The following MAGEC3 variants were observed in gnomAD, a reference collection of about 807,000 sequenced individuals.
The protein encoded by MAGEC3 is melanoma-associated antigen C3.
MAGEC3 carries 34 observed loss-of-function variants against 35.3 expected under a neutral mutation model. The ratio of observed to expected loss-of-function variants is 0.96; its 90% CI spans 0.73 to 1.28. MAGEC3 has a LOEUF of 1.28. Among genes scored for constraint, MAGEC3 ranks in the 50% most tolerant of loss-of-function variants. MAGEC3 has a pLI of 0.00. For missense variants in MAGEC3, 561 were observed against 483.6 expected (o/e 1.16, Z -1.50); for synonymous variants, 202 against 185.6 (o/e 1.09, Z -0.72).
intron 2 of MAGEC3, among the ~76,000 whole-genome samples, chrX:141,878,776 C>T (rs768937073): frequency 6.2e-5 from 7 of 112,006 alleles, no homozygotes; most frequent in East Asian, 2.8e-4. Flanking sequence ...GAGATGCTAG[C>T]GCTTTTCACT....
intron 2 of MAGEC3, among the ~76,000 whole-genome samples, chrX:141,876,120 G>A (rs954552845): frequency 1.8e-5 from 2 of 112,199 alleles, no homozygotes; most frequent in African/African-American, 6.5e-5. Context: ...TCCTATCTAT[G>A]TGGAGAGGAA....
intron 4 of MAGEC3, among the ~76,000 whole-genome samples, chrX:141,885,591 G>A (rs952335302): frequency 2.0e-5 from 2 of 102,356 alleles, no homozygotes; most frequent in Non-Finnish European, 3.9e-5. Flanking sequence ...TTGAACCCGG[G>A]AGGCAGAGGT....
intron 4 of MAGEC3, among the ~76,000 whole-genome samples, chrX:141,891,663 G>A: frequency 9.7e-6 from 1 of 102,674 alleles, no homozygotes; most frequent in Non-Finnish European, 2.0e-5. Flanking sequence ...TAATGTGTGT[G>A]TGTATATATA....
intron 2 of MAGEC3, among the ~76,000 whole-genome samples, chrX:141,868,844 A>T (rs12393030): frequency 0.015 from 1,588 of 106,217 alleles, 28 homozygotes; most frequent in African/African-American, 0.049. Flanking sequence ...GATTTTTTTT[A>T]AAATTTTTAT....
chrX:141,859,824 C>T (rs142561568), intron 1 of MAGEC3, among the ~76,000 whole-genome samples: 1,698 of 111,618 alleles, frequency 0.015, 14 homozygotes, highest in Middle Eastern at 0.032. Flanking sequence ...AAATTATCTT[C>T]CAAGGAAAAC....
intron 2 of MAGEC3, among the ~76,000 whole-genome samples, chrX:141,874,159 A>G (rs1459393662): frequency 2.7e-5 from 3 of 112,284 alleles, no homozygotes; most frequent in African/African-American, 9.7e-5. Context: ...GGACATCCAC[A>G]TGGAGAAAAT....
chrX:141,868,007 C>G (rs183622569), intron 2 of MAGEC3, among the ~76,000 whole-genome samples: 518 of 110,282 alleles, frequency 4.7e-3, no homozygotes, highest in African/African-American at 0.015. Context: ...CCTGTAGTCC[C>G]AGCTACTTGG....
chrX:141,866,838 A>G (rs1403404129), intron 2 of MAGEC3, among the ~76,000 whole-genome samples: 1 of 112,005 alleles, frequency 8.9e-6, no homozygotes, highest in Non-Finnish European at 1.9e-5. Flanking sequence ...ACCAAATACT[A>G]CTTCTGTACA....
At chrX:141,889,257 T>C (rs2018024257) in intron 4 of MAGEC3, among the ~76,000 whole-genome samples, 1 of 111,734 alleles carries the variant, frequency 8.9e-6, no homozygotes, top group African/African-American at 3.3e-5. Context: ...ATGCTCTGAA[T>C]CAGTGTTCAA....
At chrX:141,874,457 C>G (rs2017907908) in intron 2 of MAGEC3, among the ~76,000 whole-genome samples, 1 of 111,691 alleles carries the variant, frequency 9.0e-6, no homozygotes, top group Non-Finnish European at 1.9e-5. Context: ...AAAAATCTGA[C>G]TGAAGATGTG....
rs1001591924 is a variant in MAGEC3, at chrX:141,888,435, G to T, written c.909+6639G>T. On this transcript the variant is annotated intron_variant, in intron 4 of 7. Coordinates refer to ENST00000298296, the MANE Select transcript of MAGEC3 (RefSeq NM_138702.1). ...CTGTAGCCAATGGTTTGGCTGGAAG[G>T]TCAGGGACTTGGAAGAAGCATGATT... 2.7e-5 allele frequency among the ~76,000 whole-genome samples: 3 copies of T among 112,373 alleles called. No individual in the cohort carries two copies. The Admixed American group carries it at 2.8e-4, about 11-fold the overall frequency.
In MAGEC3 at chrX:141,896,950, G is replaced by A. The variant is rs1164415467; in HGVS notation, c.1192G>A (p.Gly398Ser). 8.4e-7 allele frequency: 1 copy of A among 1,188,638 alleles called. No individual in the cohort carries two copies. The highest frequency in any genetic ancestry group is 2.4e-5 in the Admixed American group (1 of 41,871). Reference sequence around the variant, plus strand: ...GAGTCCTCCTGAGATTCCTCCCCAGGGTCCTCCCAAGATCTCTCCCCAGGG... The same window carrying A: ...GAGTCCTCCTGAGATTCCTCCCCAGAGTCCTCCCAAGATCTCTCCCCAGGG... ...PQSPPEIPPQ[G>S]PPKISPQGPP... Residue 398 changes from glycine to serine, a missense_variant, in exon 7 of 8, where the codon GGT becomes AGT. Transcript: ENST00000298296.
intron 6 of MAGEC3, among the ~76,000 whole-genome samples, 181 bp downstream of exon 6, chrX:141,895,740 G>A (rs1345024472): frequency 5.0e-4 from 53 of 106,360 alleles, no homozygotes; most frequent in Middle Eastern, 4.9e-3. Context: ...GGAGGGGAGG[G>A]GGAGGGGTGG....
Position 141,893,993 on chromosome X carries a change from T to G in MAGEC3, c.910-1276T>G, listed in dbSNP as rs145958708. On this transcript the variant is annotated intron_variant, in intron 4 of 7. Coordinates refer to ENST00000298296, the MANE Select transcript of MAGEC3 (RefSeq NM_138702.1). ...AAAATACTAAATGGAAGAGGGGATA[T>G]GCAACAAGAGGAATTCTCATTCCTT... Among the ~76,000 whole-genome samples the G allele has an allele frequency of 6.3e-3, 710 of 112,016 alleles. 5 individuals are homozygous for G. Among genetic ancestry groups the G allele is most frequent in the African/African-American group, 0.022 (674 of 30,843 alleles).
intron 6 of MAGEC3, chrX:141,896,515 A>T (rs781602012): frequency 8.4e-7 from 1 of 1,189,003 alleles, no homozygotes; most frequent in Admixed American, 2.3e-5. Context: ...GCTGTAAGCC[A>T]GCCTTTGTCA....
At chrX:141,888,927 C>A (rs1038884122) in intron 4 of MAGEC3, among the ~76,000 whole-genome samples, 1 of 112,459 alleles carries the variant, frequency 8.9e-6, no homozygotes, top group Non-Finnish European at 1.9e-5. Context: ...CTGGAACAGA[C>A]ACTTATTCCA....
intron 1 of MAGEC3, among the ~76,000 whole-genome samples, chrX:141,858,322 C>T (rs759437060): frequency 1.8e-5 from 2 of 110,353 alleles, no homozygotes; most frequent in South Asian, 3.9e-4. Context: ...GAAAAATATT[C>T]GTTTAAGTAA....
intron 1 of MAGEC3, among the ~76,000 whole-genome samples, chrX:141,863,460 A>T (rs1487024540): frequency 2.7e-5 from 3 of 111,737 alleles, no homozygotes; most frequent in Non-Finnish European, 3.8e-5. Context: ...ACCCTAGCTA[A>T]ATTGTAAATT....
rs149711613 is a variant in MAGEC3, at chrX:141,856,327, T to A, written c.124-9144T>A. ...GAGTCCTTCTTAAAACATCTCAAAG[T>A]TTTTCTACCAGAGCTTTAAAAAGTT... On this transcript the variant is annotated intron_variant, in intron 1 of 7. Coordinates refer to ENST00000298296, the MANE Select transcript of MAGEC3 (RefSeq NM_138702.1). Among the ~76,000 whole-genome samples, 758 of 111,030 alleles carry A rather than the reference T, an allele frequency of 6.8e-3. 12 individuals carry two copies. The highest frequency in any genetic ancestry group is 0.023 in the African/African-American group (716 of 30,602).
Sources: allele counts gnomAD v4.1 joint callset (sites outside exome capture counted in the v4.1 genomes callset), GRCh38; gene constraint gnomAD v4.1.1; transcripts MANE v1.5; gene names NCBI Gene and HGNC (gene_info 2026-07-23, HGNC 2026-07-21).